The following ST7 variants were observed in gnomAD, a reference collection of about 807,000 sequenced individuals.
ST7 encodes suppressor of tumorigenicity 7 protein.
In ST7, 28 loss-of-function variants were observed where a neutral mutation model predicts 78.7. That is an observed-to-expected ratio of 0.36 (90% confidence interval 0.26 to 0.49). The LOEUF (loss-of-function observed/expected upper bound fraction) is 0.49, where lower values mean the gene tolerates loss of function less well. Ranked by LOEUF, ST7 falls within the 20% of genes least tolerant of loss-of-function variation. ST7 has a pLI of 0.99. For missense variants in ST7, 418 were observed against 696.0 expected, an observed-to-expected ratio of 0.60 and a Z score of 4.49; for synonymous variants, 247 against 249.6, an observed-to-expected ratio of 0.99 and a Z score of 0.10.
At chr7:117,208,638 G>A (rs1791997495) in intron 12 of ST7, among the ~76,000 whole-genome samples, 1 of 152,158 alleles carries the variant, frequency 6.6e-6, no homozygotes, top group Non-Finnish European at 1.5e-5. Context: ...TCAACTAGAT[G>A]ACAGGGAAAC....
At chr7:117,133,126 A>C (rs1347048775) in intron 6 of ST7, among the ~76,000 whole-genome samples, 1 of 151,914 alleles carries the variant, frequency 6.6e-6, no homozygotes, top group African/African-American at 2.4e-5. Context: ...TTCTTTTTAA[A>C]GTGCTTGGAG....
At chr7:117,210,526 A>T (rs1005602227) in intron 13 of ST7, among the ~76,000 whole-genome samples, 5 of 152,012 alleles carry the variant, frequency 3.3e-5, no homozygotes, top group Non-Finnish European at 7.4e-5. Flanking sequence ...ATGTAAGGAG[A>T]ATAGGCTGTA....
intron 12 of ST7, among the ~76,000 whole-genome samples, chr7:117,199,709 C>T (rs946368566): frequency 6.6e-6 from 1 of 152,232 alleles, no homozygotes; most frequent in Non-Finnish European, 1.5e-5. Context: ...CTGGTCAGAA[C>T]ATGATGCGTG....
intron 1 of ST7, among the ~76,000 whole-genome samples, chr7:117,097,902 A>ATTTT (rs1801212822): frequency 3.2e-5 from 1 of 31,290 alleles, no homozygotes; most frequent in Non-Finnish European, 6.1e-5. Context: ...ATATATATAT[A>ATTTT]TATATATTTT....
intron 2 of ST7, among the ~76,000 whole-genome samples, chr7:117,115,977 A>G (rs1295119649): frequency 6.6e-6 from 1 of 152,140 alleles, no homozygotes. Flanking sequence ...CTGAATGCTT[A>G]CAGTGATCTT....
chr7:116,961,827 T>C (rs1382249784), intron 1 of ST7, among the ~76,000 whole-genome samples: 1 of 151,960 alleles, frequency 6.6e-6, no homozygotes, highest in African/African-American at 2.4e-5. Flanking sequence ...GTAGGTTTGT[T>C]ATGTAGGTAT....
chr7:117,001,063 C>G (rs540373841), intron 1 of ST7, among the ~76,000 whole-genome samples: 3 of 152,150 alleles, frequency 2.0e-5, no homozygotes, highest in Admixed American at 1.3e-4. Flanking sequence ...TTGGATAACA[C>G]TGAAAAAGCC....
At chr7:117,075,501 A>T (rs1270695827) in intron 1 of ST7, among the ~76,000 whole-genome samples, 1 of 152,214 alleles carries the variant, frequency 6.6e-6, no homozygotes, top group East Asian at 1.9e-4. Context: ...CTCTCAGCAC[A>T]GCCCATTGTT....
intron 2 of ST7, among the ~76,000 whole-genome samples, chr7:117,103,219 C>T (rs1801696974): frequency 6.6e-6 from 1 of 152,070 alleles, no homozygotes; most frequent in African/African-American, 2.4e-5. Context: ...TATCAAAATA[C>T]CAATCACATT....
At chr7:116,970,054 A>G (rs1226138012) in intron 1 of ST7, among the ~76,000 whole-genome samples, 1 of 152,172 alleles carries the variant, frequency 6.6e-6, no homozygotes, top group East Asian at 1.9e-4. Flanking sequence ...CAGCCTGGGC[A>G]ACAAGAGTGA....
At chr7:117,062,230 T>A (rs1798396075) in intron 1 of ST7, among the ~76,000 whole-genome samples, 2 of 152,180 alleles carry the variant, frequency 1.3e-5, no homozygotes, top group Admixed American at 1.3e-4. Context: ...CATCTAATTC[T>A]AATTGCCTCC....
intron 1 of ST7, among the ~76,000 whole-genome samples, chr7:116,958,127 C>T (rs1369077536): frequency 6.6e-6 from 1 of 150,676 alleles, no homozygotes; most frequent in African/African-American, 2.4e-5. Flanking sequence ...GTCTTAGTAG[C>T]TGAGACTACA....
intron 12 of ST7, among the ~76,000 whole-genome samples, chr7:117,206,090 T>A (rs1478444372): frequency 6.6e-6 from 1 of 152,240 alleles, no homozygotes; most frequent in Admixed American, 6.5e-5. Flanking sequence ...GCCAAAAACA[T>A]AACACATTGT....
chr7:116,989,096 T>C (rs1010398232), intron 1 of ST7, among the ~76,000 whole-genome samples: 1 of 152,246 alleles, frequency 6.6e-6, no homozygotes, highest in Non-Finnish European at 1.5e-5. Context: ...TCAATTTTTG[T>C]ACTGCCTTTT....
chr7:117,168,656 G>A lies in ST7; in HGVS notation c.964-2206G>A, dbSNP rs554470984. On this transcript the variant is annotated intron_variant, in intron 9 of 15. Coordinates refer to ENST00000323984, the MANE Select transcript of ST7 (RefSeq NM_001369598.1). ...TGAAAATACTGCAGGCCTCTCTAGG[G>A]AAGTTCGGACCATCAGTCTTACTGA... 2.0e-5 allele frequency among the ~76,000 whole-genome samples: 3 copies of A among 152,312 alleles called. No homozygotes were observed. In the East Asian group the frequency reaches 5.8e-4, roughly 29 times the overall value.
intron 1 of ST7, among the ~76,000 whole-genome samples, chr7:116,971,412 C>CG (rs1170001268): frequency 6.6e-6 from 1 of 151,822 alleles, no homozygotes; most frequent in Non-Finnish European, 1.5e-5. Context: ...GTCACCTCAA[C>CG]ATAAGGGTCA....
At chr7:117,107,241 A>G (rs1365278414) in intron 2 of ST7, among the ~76,000 whole-genome samples, 1 of 152,148 alleles carries the variant, frequency 6.6e-6, no homozygotes, top group African/African-American at 2.4e-5. Context: ...GTGTACAAGT[A>G]TCTTTTTTGT....
chr7:117,178,501 C>G (rs1003678388), intron 10 of ST7, among the ~76,000 whole-genome samples: 1 of 152,098 alleles, frequency 6.6e-6, no homozygotes, highest in African/African-American at 2.4e-5. Context: ...TATCTGTGGT[C>G]TGTGAGTGAA....
chr7:117,076,834 C>T (rs1291562740), intron 1 of ST7, among the ~76,000 whole-genome samples: 1 of 152,232 alleles, frequency 6.6e-6, no homozygotes, highest in East Asian at 1.9e-4. Flanking sequence ...TCAGAGGGCC[C>T]TCCACCCTTT....
Sources: gnomAD v4.1 joint callset for allele counts (sites outside exome capture counted in the v4.1 genomes callset) on GRCh38, gnomAD v4.1.1 for gene constraint, MANE v1.5 for transcripts, NCBI Gene and HGNC (gene_info 2026-07-23, HGNC 2026-07-21) for gene names.